Variants in LUZP2 observed in about 807,000 individuals in gnomAD.
LUZP2 encodes leucine zipper protein 2.
LUZP2 carries 52 observed loss-of-function variants against 51.6 expected under a neutral mutation model. The observed-to-expected ratio is 1.01, with a 90% CI of 0.81 to 1.27. The LOEUF (loss-of-function observed/expected upper bound fraction) is 1.27, where lower values mean the gene tolerates loss of function less well. LUZP2 is among the 50% of genes most tolerant of loss of function. The pLI, the probability that LUZP2 is intolerant of heterozygous loss-of-function variation, is 0.00. For missense variants in LUZP2, 436 were observed against 395.4 expected (o/e 1.10, Z -0.87); for synonymous variants, 154 against 137.3 (o/e 1.12, Z -0.85).
intron 9 of LUZP2, among the ~76,000 whole-genome samples, chr11:25,015,654 A>T (rs1448340602): frequency 2.0e-5 from 3 of 152,076 alleles, no homozygotes; most frequent in Non-Finnish European, 2.9e-5. Context: ...AAATAACACG[A>T]CAGAGGTGTG....
chr11:24,890,613 T>C (rs1271257297), intron 5 of LUZP2, among the ~76,000 whole-genome samples: 1 of 152,146 alleles, frequency 6.6e-6, no homozygotes, highest in East Asian at 1.9e-4. Context: ...TCAAAAGTTC[T>C]CATACATGAA....
At chr11:25,063,460 A>G (rs1049398852) in intron 10 of LUZP2, among the ~76,000 whole-genome samples, 4 of 152,012 alleles carry the variant, frequency 2.6e-5, no homozygotes, top group Admixed American at 2.6e-4. Context: ...ATTGTAAAAG[A>G]CAGAAAGGGA....
At chr11:24,912,749 G>T (rs1853675611) in intron 6 of LUZP2, among the ~76,000 whole-genome samples, 1 of 152,144 alleles carries the variant, frequency 6.6e-6, no homozygotes, top group South Asian at 2.1e-4. Flanking sequence ...GGCGGAGGTT[G>T]CAGTGAGCTG....
At chr11:24,949,328 CTATCTCTCTA>C (rs1855007244) in intron 7 of LUZP2, among the ~76,000 whole-genome samples, 10 of 37,736 alleles carry the variant, frequency 2.6e-4, no homozygotes, top group African/African-American at 1.2e-3. Context: ...ATCTATCTAT[CTATCTCTCTA>C]TCTATCTATG....
intron 9 of LUZP2, among the ~76,000 whole-genome samples, chr11:25,005,646 C>T (rs545407661): frequency 6.6e-6 from 1 of 152,210 alleles, no homozygotes; most frequent in East Asian, 1.9e-4. Context: ...GCCCAAGAAC[C>T]CGCAATGGTC....
intron 3 of LUZP2, among the ~76,000 whole-genome samples, chr11:24,736,993 T>C (rs372051279): frequency 1.1e-3 from 160 of 152,134 alleles, no homozygotes; most frequent in African/African-American, 3.7e-3. Context: ...ATTCTTGAAA[T>C]TGGGACTTGG....
At chr11:24,871,548 G>A (rs1227523525) in intron 5 of LUZP2, among the ~76,000 whole-genome samples, 1 of 152,096 alleles carries the variant, frequency 6.6e-6, no homozygotes. Flanking sequence ...GGGACCCTGA[G>A]TTCTAGTATA....
At chr11:24,637,586 G>C (rs926363755) in intron 1 of LUZP2, among the ~76,000 whole-genome samples, 12 of 151,762 alleles carry the variant, frequency 7.9e-5, no homozygotes, top group Non-Finnish European at 1.5e-4. Flanking sequence ...TAACCCTGGG[G>C]AAGGAATGCA....
At chr11:24,624,771 A>G (rs1854621060) in intron 1 of LUZP2, among the ~76,000 whole-genome samples, 1 of 152,124 alleles carries the variant, frequency 6.6e-6, no homozygotes, top group South Asian at 2.1e-4. Flanking sequence ...TCCATATGTG[A>G]TAATATAAAG....
chr11:24,995,344 G>A (rs1005429572), intron 9 of LUZP2, among the ~76,000 whole-genome samples: 1 of 152,156 alleles, frequency 6.6e-6, no homozygotes, highest in African/African-American at 2.4e-5. Context: ...AGTGAGCACA[G>A]ATTGCACCAC....
At chr11:24,925,672 G>A (rs1854204115) in intron 7 of LUZP2, among the ~76,000 whole-genome samples, 1 of 151,890 alleles carries the variant, frequency 6.6e-6, no homozygotes, top group African/African-American at 2.4e-5. Context: ...CAAAATGTGA[G>A]AATTCTTCAA....
chr11:24,651,985 C>T (rs1855637693), intron 1 of LUZP2, among the ~76,000 whole-genome samples: 3 of 151,780 alleles, frequency 2.0e-5, no homozygotes, highest in Admixed American at 1.3e-4. Flanking sequence ...CTCTCTATCT[C>T]TCTGTGTGTT....
In LUZP2 at chr11:24,716,504, G is replaced by A. The variant is rs577598853; in HGVS notation, c.63-12665G>A. ...CAAAGGAGTGAAAAGAGTCAAGAAGGGTTCCAAGAATGAGGAGGACAAGTC... is the reference window on the plus strand; with the variant it reads ...CAAAGGAGTGAAAAGAGTCAAGAAGAGTTCCAAGAATGAGGAGGACAAGTC... On this transcript the variant is annotated intron_variant, in intron 1 of 11. Coordinates refer to ENST00000336930, the MANE Select transcript of LUZP2 (RefSeq NM_001009909.4). 3.3e-5 allele frequency among the ~76,000 whole-genome samples: 5 copies of A among 152,242 alleles called. No homozygotes were observed. The South Asian group carries it at 1.0e-3, about 32-fold the overall frequency.
intron 9 of LUZP2, among the ~76,000 whole-genome samples, chr11:24,991,204 G>A (rs540071808): frequency 2.6e-5 from 4 of 151,898 alleles, no homozygotes; most frequent in African/African-American, 7.2e-5. Context: ...CCACTTATGA[G>A]TGAGAACGTA....
chr11:24,658,718 A>T (rs1855906517), intron 1 of LUZP2, among the ~76,000 whole-genome samples: 1 of 152,216 alleles, frequency 6.6e-6, no homozygotes, highest in Admixed American at 6.5e-5. Flanking sequence ...GAACTCAAAC[A>T]AATTTACAAG....
chr11:24,671,033 T>C (rs1363037765), intron 1 of LUZP2, among the ~76,000 whole-genome samples: 1 of 151,920 alleles, frequency 6.6e-6, no homozygotes, highest in Non-Finnish European at 1.5e-5. Flanking sequence ...ATTTTTATCC[T>C]AATGAGCATT....
intron 7 of LUZP2, among the ~76,000 whole-genome samples, chr11:24,929,707 C>T (rs943149365): frequency 6.6e-6 from 1 of 151,998 alleles, no homozygotes; most frequent in Admixed American, 6.6e-5. Context: ...TGGTTTGGTA[C>T]AATGTTCTGT....
At chr11:25,023,824 C>G (rs745779122) in intron 9 of LUZP2, among the ~76,000 whole-genome samples, 1 of 151,988 alleles carries the variant, frequency 6.6e-6, no homozygotes, top group Non-Finnish European at 1.5e-5. Flanking sequence ...AGAGATTCTG[C>G]TATGTTGTGT....
chr11:24,795,977 G>A (rs1023874597), intron 5 of LUZP2, among the ~76,000 whole-genome samples: 2 of 152,018 alleles, frequency 1.3e-5, no homozygotes, highest in Non-Finnish European at 1.5e-5. Context: ...CAGGTGATCC[G>A]TTCCCTTCCA....
Sources: allele counts gnomAD v4.1 joint callset (sites outside exome capture counted in the v4.1 genomes callset), GRCh38; gene constraint gnomAD v4.1.1; transcripts MANE v1.5; gene names NCBI Gene and HGNC (gene_info 2026-07-23, HGNC 2026-07-21).